Variants in FSTL5 observed in about 807,000 individuals in gnomAD.
FSTL5 encodes the protein follistatin-related protein 5.
FSTL5 carries 62 observed loss-of-function variants against 89.1 expected under a neutral mutation model. That is an observed-to-expected ratio of 0.70 (90% CI 0.57 to 0.86). The LOEUF (loss-of-function observed/expected upper bound fraction) is 0.86, where lower values mean the gene tolerates loss of function less well. FSTL5 is among the 40% of genes least tolerant of loss of function. The pLI is 0.00. For synonymous variants in FSTL5, 383 were observed against 346.2 expected (o/e 1.11, Z -1.18); for missense variants, 1,057 against 1,001.6 (o/e 1.06, Z -0.75).
chr4:161,989,288 A>C (rs1365793075), intron 3 of FSTL5, among the ~76,000 whole-genome samples: 1 of 152,140 alleles, frequency 6.6e-6, no homozygotes, highest in Non-Finnish European at 1.5e-5. Flanking sequence ...CCTCTGAGTA[A>C]GCTGAGGGGA....
At chr4:161,975,221 A>C (rs1735598683) in intron 3 of FSTL5, among the ~76,000 whole-genome samples, 1 of 138,282 alleles carries the variant, frequency 7.2e-6, no homozygotes, top group Non-Finnish European at 1.6e-5. Context: ...TAGAACTAGA[A>C]ATACCATTTG....
intron 15 of FSTL5, among the ~76,000 whole-genome samples, chr4:161,436,727 C>T (rs913888385): frequency 1.3e-5 from 2 of 152,118 alleles, no homozygotes; most frequent in Non-Finnish European, 2.9e-5. Context: ...CATCTATGCC[C>T]GCAGATGGTC....
intron 3 of FSTL5, among the ~76,000 whole-genome samples, chr4:161,974,520 A>C (rs1235795320): frequency 3.8e-5 from 5 of 131,772 alleles, no homozygotes; most frequent in Non-Finnish European, 6.4e-5. Flanking sequence ...CCTATTTAAT[A>C]AATGGTGCTG....
chr4:161,401,473 T>A (rs944232479), intron 15 of FSTL5, among the ~76,000 whole-genome samples: 1 of 152,192 alleles, frequency 6.6e-6, no homozygotes, highest in Non-Finnish European at 1.5e-5. Flanking sequence ...GTGTTTTAAA[T>A]CATAACATTT....
At chr4:161,517,703 G>A (rs1730888342) in intron 10 of FSTL5, among the ~76,000 whole-genome samples, 1 of 152,114 alleles carries the variant, frequency 6.6e-6, no homozygotes, top group South Asian at 2.1e-4. Flanking sequence ...CTATTCATGT[G>A]TAAATTGCCT....
chr4:161,741,169 T>C (rs1740015072), intron 6 of FSTL5, among the ~76,000 whole-genome samples: 1 of 152,094 alleles, frequency 6.6e-6, no homozygotes, highest in Non-Finnish European at 1.5e-5. Flanking sequence ...CCCACCAAAA[T>C]ATGTCCACAG....
At chr4:162,119,511 T>C (rs2111428987) in intron 1 of FSTL5, among the ~76,000 whole-genome samples, 1 of 152,346 alleles carries the variant, frequency 6.6e-6, no homozygotes, top group Admixed American at 6.5e-5. Context: ...TTTTCAGTTC[T>C]TTTTTACAGA....
At chr4:161,820,297 G>A (rs1730451744) in intron 4 of FSTL5, among the ~76,000 whole-genome samples, 2 of 151,940 alleles carry the variant, frequency 1.3e-5, no homozygotes, top group Non-Finnish European at 2.9e-5. Context: ...AACAATGAGG[G>A]GAGAAAAATG....
intron 6 of FSTL5, among the ~76,000 whole-genome samples, chr4:161,694,932 G>A (rs531985241): frequency 7.0e-4 from 103 of 146,712 alleles, no homozygotes; most frequent in Middle Eastern, 3.7e-3. Context: ...TCCAGTCAAC[G>A]GGTGAACCTG....
At chr4:162,133,120 T>C (rs1403522280) in intron 1 of FSTL5, among the ~76,000 whole-genome samples, 1 of 152,210 alleles carries the variant, frequency 6.6e-6, no homozygotes, top group African/African-American at 2.4e-5. Context: ...CTAATATTTT[T>C]GTATTTTTTT....
chr4:161,476,377 C>T (rs113951311), intron 13 of FSTL5, among the ~76,000 whole-genome samples: 30,463 of 151,524 alleles, frequency 0.2, 3,963 homozygotes, highest in Non-Finnish European at 0.29. Flanking sequence ...AGTAGAGACA[C>T]GGTTTCTCCA....
intron 4 of FSTL5, among the ~76,000 whole-genome samples, chr4:161,785,462 G>C (rs964980386): frequency 1.3e-5 from 2 of 152,154 alleles, no homozygotes; most frequent in African/African-American, 2.4e-5. Context: ...AAATAATAAT[G>C]AAAGGGATGA....
In FSTL5 at chr4:161,656,902, C is replaced by T. The variant is rs192523495; in HGVS notation, c.728-408G>A. On this transcript the variant is annotated intron_variant, in intron 6 of 15. Coordinates refer to ENST00000306100, the MANE Select transcript of FSTL5 (RefSeq NM_020116.5). Reference sequence around the variant, plus strand: ...GAGATCACTGCTGGCTTGCAGTAGACGGTAAAATGCATCTTTTTGCTGGGA... The same window carrying T: ...GAGATCACTGCTGGCTTGCAGTAGATGGTAAAATGCATCTTTTTGCTGGGA... Among the ~76,000 whole-genome samples the T allele has an allele frequency of 5.8e-3, 890 of 152,168 alleles. 11 individuals are homozygous for T. The highest frequency in any genetic ancestry group is 0.021 in the African/African-American group (859 of 41,512).
intron 6 of FSTL5, among the ~76,000 whole-genome samples, chr4:161,758,683 A>G (rs918138824): frequency 2.0e-5 from 3 of 152,008 alleles, no homozygotes; most frequent in Non-Finnish European, 4.4e-5. Flanking sequence ...ACACCCAGCT[A>G]ATTTTTGTAT....
chr4:161,565,015 C>A (rs893593682), intron 8 of FSTL5, among the ~76,000 whole-genome samples: 5 of 151,868 alleles, frequency 3.3e-5, no homozygotes, highest in Non-Finnish European at 7.4e-5. Context: ...ATAAAACACA[C>A]TCCCAAATCA....
intron 1 of FSTL5, among the ~76,000 whole-genome samples, chr4:162,122,742 C>T (rs543969279): frequency 6.6e-6 from 1 of 152,042 alleles, no homozygotes; most frequent in Non-Finnish European, 1.5e-5. Flanking sequence ...CTCCTAAACA[C>T]TCTTTATGTA....
At chr4:161,843,669 A>C (rs1731279524) in intron 4 of FSTL5, among the ~76,000 whole-genome samples, 1 of 152,146 alleles carries the variant, frequency 6.6e-6, no homozygotes, top group Non-Finnish European at 1.5e-5. Context: ...TCTTTGACAA[A>C]CCTAACAAAA....
At chr4:161,473,901 T>C (rs1734034950) in intron 13 of FSTL5, among the ~76,000 whole-genome samples, 1 of 152,210 alleles carries the variant, frequency 6.6e-6, no homozygotes, top group East Asian at 1.9e-4. Context: ...CTGTTTTTAA[T>C]CCATTCTGTC....
At chr4:161,642,903 T>G (rs1397101696) in intron 7 of FSTL5, among the ~76,000 whole-genome samples, 1 of 152,180 alleles carries the variant, frequency 6.6e-6, no homozygotes, top group Non-Finnish European at 1.5e-5. Flanking sequence ...ATTATGAATG[T>G]ATTTAATAAC....
Sources: gnomAD v4.1 joint callset for allele counts (sites outside exome capture counted in the v4.1 genomes callset) on GRCh38, gnomAD v4.1.1 for gene constraint, MANE v1.5 for transcripts, NCBI Gene and HGNC (gene_info 2026-07-23, HGNC 2026-07-21) for gene names.